Variants in UGCG observed in about 807,000 individuals in gnomAD.
The protein encoded by UGCG is UDP-glucose ceramide glucosyltransferase.
In UGCG, 10 loss-of-function variants were observed where a neutral mutation model predicts 49.5. That is an observed-to-expected ratio of 0.20 (90% CI 0.12 to 0.34). UGCG has a LOEUF of 0.34. Ranked by LOEUF, UGCG falls within the 10% of genes least tolerant of loss-of-function variation. The pLI is 1.00. For missense variants in UGCG, 312 were observed against 483.7 expected, an observed-to-expected ratio of 0.65 and a Z score of 3.33; for synonymous variants, 182 against 158.2, an observed-to-expected ratio of 1.15 and a Z score of -1.13.
intron 1 of UGCG, among the ~76,000 whole-genome samples, chr9:111,912,491 A>G (rs916404145): frequency 5.3e-5 from 8 of 152,112 alleles, no homozygotes; most frequent in African/African-American, 1.7e-4. Flanking sequence ...AGGCAGGGGA[A>G]TCATTTGAAC....
chr9:111,899,469 T>A (rs1449086452), intron 1 of UGCG, among the ~76,000 whole-genome samples: 2 of 152,240 alleles, frequency 1.3e-5, no homozygotes, highest in Non-Finnish European at 2.9e-5. Context: ...ATCCTTTGCC[T>A]GTGCTGCAAT....
At chr9:111,903,336 A>G (rs1037224700) in intron 1 of UGCG, among the ~76,000 whole-genome samples, 7 of 152,154 alleles carry the variant, frequency 4.6e-5, no homozygotes, top group Admixed American at 6.5e-5. Context: ...AGGCCGAGGC[A>G]GGCAGATCAC....
intron 2 of UGCG, among the ~76,000 whole-genome samples, chr9:111,920,569 T>G (rs1406599875): frequency 6.6e-6 from 1 of 152,148 alleles, no homozygotes; most frequent in Non-Finnish European, 1.5e-5. Flanking sequence ...TTCACCATGT[T>G]GGTCAGGCTG....
chr9:111,914,930 T>C, intron 2 of UGCG, 184 bp downstream of exon 2: 1 of 792,766 alleles, frequency 1.3e-6, no homozygotes, highest in Non-Finnish European at 1.8e-6. Flanking sequence ...GGAAGGGGTG[T>C]AAATTCCCTT....
At chr9:111,912,033 T>C (rs867888114) in intron 1 of UGCG, among the ~76,000 whole-genome samples, 1 of 137,578 alleles carries the variant, frequency 7.3e-6, no homozygotes, top group East Asian at 2.4e-4. Flanking sequence ...CAACAGGATA[T>C]ATATATATAT....
chr9:111,925,624 ATGAG>A (rs1370071861), intron 4 of UGCG, among the ~76,000 whole-genome samples: 5 of 152,254 alleles, frequency 3.3e-5, no homozygotes, highest in Admixed American at 2.6e-4. Context: ...CTGACCTAGA[ATGAG>A]TATTTAAGGT....
At chr9:111,930,217 T>G (rs938857505) in intron 6 of UGCG, among the ~76,000 whole-genome samples, 3 of 152,194 alleles carry the variant, frequency 2.0e-5, no homozygotes, top group South Asian at 2.1e-4. Context: ...ATTTTTCAAA[T>G]TAATGTGTTT....
chr9:111,914,975 C>G, intron 2 of UGCG: 1 of 451,998 alleles, frequency 2.2e-6, no homozygotes, highest in Non-Finnish European at 3.7e-6. Flanking sequence ...AAGTAGAGAT[C>G]CCTGAGTAAA....
chr9:111,923,454 C>T (rs867948798), intron 3 of UGCG, among the ~76,000 whole-genome samples: 2 of 151,288 alleles, frequency 1.3e-5, no homozygotes, highest in South Asian at 2.1e-4. Flanking sequence ...ATTTGAAGAT[C>T]GGGCAATGAT....
At chr9:111,929,375 T>C in intron 5 of UGCG, 125 bp from the exon 6 acceptor site, 1 of 959,752 alleles carries the variant, frequency 1.0e-6, no homozygotes, top group Non-Finnish European at 1.5e-6. Context: ...TCAGGTAGTC[T>C]ACGTAAGAAT....
At chr9:111,900,025 A>T (rs368110201) in intron 1 of UGCG, among the ~76,000 whole-genome samples, 24 of 152,326 alleles carry the variant, frequency 1.6e-4, no homozygotes, top group African/African-American at 5.8e-4. Context: ...GATTAGAGAC[A>T]TTTCAAATTC....
At chr9:111,919,822 CTA>C (rs1838188055) in intron 2 of UGCG, among the ~76,000 whole-genome samples, 1 of 150,796 alleles carries the variant, frequency 6.6e-6, no homozygotes, top group Non-Finnish European at 1.5e-5. Flanking sequence ...AGAAACTATG[CTA>C]TGTTTGGAAA....
In UGCG at chr9:111,932,290, T is replaced by C. The variant is rs758946556; in HGVS notation, c.945T>C (p.Ile315=). Reference sequence around the variant, plus strand: ...CCCACCATGTGTTCAGATGGGATATTATGGTATTTTTCATGTGTCATTGCC... The same window carrying C: ...CCCACCATGTGTTCAGATGGGATATCATGGTATTTTTCATGTGTCATTGCC... ...WAAHHVFRWD[I]MVFFMCHCLA... Residue 315 remains isoleucine, a synonymous_variant, in exon 8 of 9, where the codon ATT becomes ATC. Transcript: ENST00000374279. 11 of 1,614,162 alleles carry C rather than the reference T, an allele frequency of 6.8e-6. No homozygotes were observed. Among genetic ancestry groups the C allele is most frequent in the Non-Finnish European group, 8.5e-6 (10 of 1,180,012 alleles).
chr9:111,922,977 AT>A, intron 3 of UGCG, 26 bp downstream of exon 3: 2 of 1,441,192 alleles, frequency 1.4e-6, no homozygotes, highest in Non-Finnish European at 1.9e-6. Flanking sequence ...TGTAGTAACC[AT>A]TTTCCATTGA....
At chr9:111,917,135 T>G (rs1402554753) in intron 2 of UGCG, among the ~76,000 whole-genome samples, 1 of 152,222 alleles carries the variant, frequency 6.6e-6, no homozygotes, top group African/African-American at 2.4e-5. Flanking sequence ...ATTTTGACAT[T>G]CATTGTAAGA....
rs1184871097 is a variant in UGCG at position 111,934,608 on chromosome 9, CATTTA to C, written c.*1615_*1619del. ...ACTTTTTCACTTTACTGAGCCAATT[CATTTA>C]ATTGTCAAATGTCTATATCCATGGT... is the stretch of plus-strand genomic sequence containing the variant. On this transcript the variant is annotated 3_prime_UTR_variant, in exon 9 of 9. Transcript: ENST00000374279. The C allele has an allele frequency of 1.3e-5, 2 of 152,152 alleles. No homozygotes were observed. The highest frequency in any genetic ancestry group is 2.9e-5 in the Non-Finnish European group (2 of 68,016). The allele number at this position is 152,152 out of a possible 1,614,324, so 9.4% of individuals were successfully genotyped here.
chr9:111,931,156 C>A, intron 6 of UGCG, 115 bp from the exon 7 acceptor site: 1 of 966,744 alleles, frequency 1.0e-6, no homozygotes, highest in Non-Finnish European at 1.5e-6. Context: ...GAAAGCTGGG[C>A]TCACCCTGAA....
intron 1 of UGCG, among the ~76,000 whole-genome samples, chr9:111,903,893 A>G (rs1935542559): frequency 6.6e-6 from 1 of 151,960 alleles, no homozygotes; most frequent in Non-Finnish European, 1.5e-5. Flanking sequence ...TTCTTCAGTC[A>G]CCCAGTCTTT....
intron 2 of UGCG, among the ~76,000 whole-genome samples, chr9:111,919,292 G>A (rs2118558068): frequency 6.6e-6 from 1 of 152,234 alleles, no homozygotes; most frequent in East Asian, 1.9e-4. Flanking sequence ...TTGAGCCCAA[G>A]CATTCAAGAC....
Sources: allele counts gnomAD v4.1 joint callset (sites outside exome capture counted in the v4.1 genomes callset), GRCh38; gene constraint gnomAD v4.1.1; transcripts MANE v1.5; gene names NCBI Gene and HGNC (gene_info 2026-07-23, HGNC 2026-07-21).